LMO7: variants seen among roughly 807,000 people sequenced by gnomAD.
The protein encoded by LMO7 is LIM domain 7, also known as LIM domain only protein 7.
In LMO7, 120 loss-of-function variants were observed where a neutral mutation model predicts 206.5. The ratio of observed to expected loss-of-function variants is 0.58; its 90% CI spans 0.50 to 0.68. The LOEUF (loss-of-function observed/expected upper bound fraction) is 0.68, where lower values mean the gene tolerates loss of function less well. Ranked by LOEUF, LMO7 falls within the 30% of genes least tolerant of loss-of-function variation. The pLI, the probability that LMO7 is intolerant of heterozygous loss-of-function variation, is 0.00. For missense variants in LMO7, 1,959 were observed against 1,957.9 expected (o/e 1.00, Z -0.01); for synonymous variants, 706 against 681.5 (o/e 1.04, Z -0.56).
intron 4 of LMO7, among the ~76,000 whole-genome samples, chr13:75,774,367 G>T (rs1453746394): frequency 6.6e-6 from 1 of 151,998 alleles, no homozygotes; most frequent in Non-Finnish European, 1.5e-5. Context: ...GATTCATGTT[G>T]AGTAATTCCT....
intron 1 of LMO7, among the ~76,000 whole-genome samples, chr13:75,642,006 A>G (rs1482595933): frequency 2.6e-5 from 4 of 152,142 alleles, no homozygotes; most frequent in Non-Finnish European, 5.9e-5. Flanking sequence ...TGAACACAGC[A>G]TCTTTATATG....
At chr13:75,781,982 T>A (rs1421376376) in intron 4 of LMO7, among the ~76,000 whole-genome samples, 1 of 152,162 alleles carries the variant, frequency 6.6e-6, no homozygotes, top group Non-Finnish European at 1.5e-5. Flanking sequence ...TTGTTTGTTT[T>A]TTTCTTGTAA....
chr13:75,823,006 A>G (rs1566548689), intron 14 of LMO7, among the ~76,000 whole-genome samples: 1 of 151,924 alleles, frequency 6.6e-6, no homozygotes, highest in African/African-American at 2.4e-5. Context: ...TGATGTCCAT[A>G]CTATGGAACA....
At chr13:75,740,741 T>C (rs1270201178) in intron 3 of LMO7, among the ~76,000 whole-genome samples, 1 of 152,186 alleles carries the variant, frequency 6.6e-6, no homozygotes, top group African/African-American at 2.4e-5. Context: ...GGTACTGGGC[T>C]GATTCTGGCT....
intron 11 of LMO7, chr13:75,816,765 C>T (rs1303904799): frequency 6.5e-6 from 1 of 153,926 alleles, no homozygotes; most frequent in African/African-American, 2.4e-5. Flanking sequence ...GCAGCCAAAC[C>T]TCAACAGATT....
Position 75,622,525 on chromosome 13 carries a change from T to C in LMO7, c.175+657T>C, listed in dbSNP as rs1566244221. ...CTTGTAATTGTCTGTAAGTACTACC[T>C]TCATAATTAAAATGTTTCTACTCTG... On this transcript the variant is annotated intron_variant, in intron 1 of 29. Transcript: ENST00000341547. 2.0e-5 allele frequency among the ~76,000 whole-genome samples: 3 copies of C among 152,224 alleles called. 1 individual carries two copies. The highest frequency in any genetic ancestry group is 2.0e-4 in the Admixed American group (3 of 15,282).
chr13:75,654,167 G>C (rs1338404942), intron 1 of LMO7, among the ~76,000 whole-genome samples: 1 of 152,156 alleles, frequency 6.6e-6, no homozygotes, highest in East Asian at 1.9e-4. Context: ...TTAAAGAAGG[G>C]GAGAGCTTAC....
intron 1 of LMO7, among the ~76,000 whole-genome samples, chr13:75,692,142 A>G (rs2041535271): frequency 6.6e-6 from 1 of 152,148 alleles, no homozygotes; most frequent in Admixed American, 6.6e-5. Context: ...CACTTTTGTG[A>G]CAGTATTTTC....
In LMO7 at chr13:75,819,555, C is replaced by G; in HGVS notation, c.2207+20C>G. ...GGACAGGTAATAATGCTGAATGCAC[C>G]TCGGTTGTAACAGGGTTGGAGATGC... is the stretch of plus-strand genomic sequence containing the variant. On this transcript the variant is annotated intron_variant, in intron 13 of 30. Transcript: ENST00000377534. 1 of 1,552,520 alleles carries G rather than the reference C, an allele frequency of 6.4e-7. No individual in the cohort carries two copies. Among genetic ancestry groups the G allele is most frequent in the Non-Finnish European group, 8.6e-7 (1 of 1,156,076 alleles).
chr13:75,706,235 A>G (rs1244538640), intron 1 of LMO7, among the ~76,000 whole-genome samples: 6 of 152,200 alleles, frequency 3.9e-5, no homozygotes, highest in African/African-American at 9.7e-5. Context: ...CTTGGCCTCA[A>G]CAGGCCACCA....
intron 4 of LMO7, among the ~76,000 whole-genome samples, chr13:75,784,028 AC>A (rs562589505): frequency 8.2e-4 from 125 of 151,744 alleles, no homozygotes; most frequent in African/African-American, 3.0e-3. Context: ...GAAATTTTGT[AC>A]CCCCCTTCCC....
intron 3 of LMO7, among the ~76,000 whole-genome samples, chr13:75,738,039 A>G (rs1366854638): frequency 6.6e-6 from 1 of 151,718 alleles, no homozygotes; most frequent in African/African-American, 2.4e-5. Context: ...CCATAAGAAG[A>G]CAGTCGTCTT....
intron 1 of LMO7, among the ~76,000 whole-genome samples, chr13:75,680,944 A>C (rs1347920782): frequency 1.3e-5 from 2 of 151,498 alleles, no homozygotes; most frequent in African/African-American, 4.9e-5. Flanking sequence ...TCCTATGTTC[A>C]TTGGCTGCAT....
At chr13:75,720,149 T>C (rs1440911437) in intron 2 of LMO7, among the ~76,000 whole-genome samples, 1 of 152,194 alleles carries the variant, frequency 6.6e-6, no homozygotes, top group African/African-American at 2.4e-5. Context: ...TAGTGAGGTG[T>C]CTGTTAAGGT....
intron 2 of LMO7, among the ~76,000 whole-genome samples, chr13:75,629,568 C>T (rs149248984): frequency 6.6e-6 from 1 of 152,152 alleles, no homozygotes; most frequent in Non-Finnish European, 1.5e-5. Flanking sequence ...AAGGGAGAAG[C>T]ACAGGTCAAG....
chr13:75,778,629 C>G (rs578155477), intron 4 of LMO7, among the ~76,000 whole-genome samples: 1 of 152,308 alleles, frequency 6.6e-6, no homozygotes, highest in Admixed American at 6.5e-5. Context: ...CATTGGCAGT[C>G]GTTCCAGGCG....
At chr13:75,818,140 G>A (rs2057234608) in intron 12 of LMO7, among the ~76,000 whole-genome samples, 1 of 152,164 alleles carries the variant, frequency 6.6e-6, no homozygotes, top group African/African-American at 2.4e-5. Context: ...TAATTGTCAA[G>A]AAACAGTAAT....
Position 75,655,212 on chromosome 13 carries a change from A to G in LMO7, c.69+18486A>G, listed in dbSNP as rs549273523. ...CATCCTTGCATATCTGCAAGTTTCT[A>G]TCATCTGAGAGGTGAGTAGTTTCTT... On this transcript the variant is annotated intron_variant, in intron 1 of 30. Coordinates refer to ENST00000377534, the MANE Select transcript of LMO7 (RefSeq NM_001306080.2). 7.2e-5 allele frequency among the ~76,000 whole-genome samples: 11 copies of G among 152,176 alleles called. No homozygotes were observed. The South Asian group carries it at 2.1e-3, about 29-fold the overall frequency.
chr13:75,812,660 T>C (rs2056532995), intron 11 of LMO7, among the ~76,000 whole-genome samples: 1 of 152,116 alleles, frequency 6.6e-6, no homozygotes, highest in South Asian at 2.1e-4. Context: ...AGAGTAAGAC[T>C]TTAGCAACCT....
Sources: gnomAD v4.1 joint callset for allele counts (sites outside exome capture counted in the v4.1 genomes callset) on GRCh38, gnomAD v4.1.1 for gene constraint, MANE v1.5 for transcripts, NCBI Gene and HGNC (gene_info 2026-07-23, HGNC 2026-07-21) for gene names.